Variants in NLRP1 observed in about 807,000 individuals in gnomAD.
NLRP1 encodes the protein NLR family pyrin domain containing 1.
In NLRP1, 94 loss-of-function variants were observed where a neutral mutation model predicts 136.7. The ratio of observed to expected loss-of-function variants is 0.69; its 90% CI spans 0.58 to 0.82. The LOEUF is 0.82. Among genes scored for constraint, NLRP1 ranks in the 40% least tolerant of loss-of-function variants. The pLI is 0.00. For missense variants in NLRP1, 1,575 were observed against 1,802.7 expected (o/e 0.87, Z 2.29); for synonymous variants, 690 against 725.1 (o/e 0.95, Z 0.78).
rs746664989 is a variant in NLRP1 at position 5,582,669 on chromosome 17, C to T, written c.448+1G>A. The T allele has an allele frequency of 6.2e-7, 1 of 1,613,902 alleles. No homozygotes were observed. The highest frequency in any genetic ancestry group is 8.5e-7 in the Non-Finnish European group (1 of 1,179,958). ...TGTCAGCCTGCCTCAGCAAGCCTCACCTCTCCAGCGGCGTCCAGATGTGTC... is the reference window on the plus strand; with the variant it reads ...TGTCAGCCTGCCTCAGCAAGCCTCATCTCTCCAGCGGCGTCCAGATGTGTC... On this transcript the variant is annotated splice_donor_variant, in intron 2 of 16. Coordinates refer to ENST00000572272, the MANE Select transcript of NLRP1 (RefSeq NM_033004.4). LOFTEE classifies it high-confidence loss of function.
intron 12 of NLRP1, among the ~76,000 whole-genome samples, chr17:5,526,156 T>C (rs1909525433): frequency 6.6e-6 from 1 of 152,068 alleles, no homozygotes; most frequent in South Asian, 2.1e-4. Context: ...TCAATATTTT[T>C]TTGTGGAGAT....
At chr17:5,573,178 C>T (rs1403791473) in intron 3 of NLRP1, among the ~76,000 whole-genome samples, 1 of 152,204 alleles carries the variant, frequency 6.6e-6, no homozygotes, top group Non-Finnish European at 1.5e-5. Context: ...ATATCCCGTG[C>T]CTGGCTCAGA....
intron 3 of NLRP1, among the ~76,000 whole-genome samples, chr17:5,572,180 T>C (rs1471920622): frequency 6.6e-6 from 1 of 152,202 alleles, no homozygotes; most frequent in Non-Finnish European, 1.5e-5. Flanking sequence ...ATTCTGAACA[T>C]AGGTCCTGGC....
chr17:5,521,452 G>C, intron 13 of NLRP1, 72 bp downstream of exon 13: 1 of 1,520,028 alleles, frequency 6.6e-7, no homozygotes, highest in Non-Finnish European at 9.0e-7. Flanking sequence ...GACCCTCTAG[G>C]GGGCTCTCTG....
intron 15 of NLRP1, chr17:5,503,829 T>C (rs1907207007): frequency 1.4e-5 from 2 of 138,066 alleles, no homozygotes; most frequent in South Asian, 4.4e-4. Context: ...GGAGCCAGAA[T>C]CCACCAAAAA....
Position 5,584,116 on chromosome 17 carries a change from G to T in NLRP1, c.-159C>A. On this transcript the variant is annotated 5_prime_UTR_variant, in exon 1 of 17. Transcript: ENST00000572272. ...AATCCCAGGGCACCTACAGATAGAC[G>T]CCGATAGAGGGGGAGTGGTAGGAAA... 1 of 689,196 alleles carries T rather than the reference G, an allele frequency of 1.5e-6. No individual in the cohort carries two copies. The highest frequency in any genetic ancestry group is 2.4e-6 in the Non-Finnish European group (1 of 418,560). 42.7% of individuals were successfully genotyped at this position (689,196 alleles called of 1,614,324 possible).
At chr17:5,531,168 T>TATCTA (rs757071445) in intron 11 of NLRP1, among the ~76,000 whole-genome samples, 2 of 142,214 alleles carry the variant, frequency 1.4e-5, no homozygotes, top group Non-Finnish European at 3.0e-5. Context: ...CTATCTAATC[T>TATCTA]ATCTAATCTA....
rs1182881508 is a variant in NLRP1, at chr17:5,530,629, G to A, written c.3372C>T (p.Thr1124=). 5 of 1,614,186 alleles carry A rather than the reference G, an allele frequency of 3.1e-6. No individual in the cohort carries two copies. In the Middle Eastern group the frequency reaches 4.9e-4, roughly 160 times the overall value. ...CCCACACACAGAATTCAATCTCAAC[G>A]GTCACCGCTTCTCTCATCACAAAGC... is the stretch of plus-strand genomic sequence containing the variant. ...GLCFVMREAV[T]VEIEFCVWDQ... is the part of the protein sequence containing the mutation. The change falls in exon 12 of 17, where the codon ACC becomes ACT. Residue 1124 remains threonine (T), a synonymous_variant. Coordinates refer to ENST00000572272, the MANE Select transcript of NLRP1 (RefSeq NM_033004.4).
intron 3 of NLRP1, among the ~76,000 whole-genome samples, chr17:5,567,884 A>T (rs2151814232): frequency 1.3e-5 from 2 of 152,106 alleles, no homozygotes; most frequent in Admixed American, 1.3e-4. Context: ...ATGTCATGCC[A>T]CTCTCTCCTG....
At position 5,545,477 on chromosome 17, in the gene NLRP1, GAC is replaced by G. The variant is rs147231814; in HGVS notation, c.2529-3452_2529-3451del. On this transcript the variant is annotated intron_variant, in intron 5 of 16. Transcript: ENST00000572272. The stretch of plus-strand genomic sequence containing the variant: ...AGACACACATACAGACACACACACA[GAC>G]ACACACACACAGACACACAGACACA... Among the ~76,000 whole-genome samples the G allele has an allele frequency of 1.5e-3, 172 of 115,372 alleles. 1 individual carries two copies. The East Asian group carries it at 0.032, about 21-fold the overall frequency. The allele number at this position is 115,372 out of a possible 152,430, so 75.7% of individuals were successfully genotyped here.
At chr17:5,556,127 C>CAT (rs1914039655) in intron 4 of NLRP1, among the ~76,000 whole-genome samples, 1 of 138,952 alleles carries the variant, frequency 7.2e-6, no homozygotes, top group Non-Finnish European at 1.5e-5. Flanking sequence ...CACACACACA[C>CAT]ACACACACAC....
chr17:5,514,311 G>T lies in NLRP1; in HGVS notation c.*443C>A. On this transcript the variant is annotated 3_prime_UTR_variant, in exon 17 of 17. Transcript: ENST00000572272. ...AAACTTCCTTCCACTTTACTCTGTTGGCTTGCTCTTGTAGATCTTCCTGTA... is the reference window on the plus strand; with the variant it reads ...AAACTTCCTTCCACTTTACTCTGTTTGCTTGCTCTTGTAGATCTTCCTGTA... The T allele has an allele frequency of 3.1e-6, 2 of 643,592 alleles. No homozygotes were observed. The highest frequency in any genetic ancestry group is 3.9e-6 in the Non-Finnish European group (2 of 509,198). The allele number at this position is 643,592 out of a possible 1,614,324, so 39.9% of individuals were successfully genotyped here. A position where few individuals can be genotyped will look rare whatever the true frequency, so the allele number is the denominator to read the frequency against.
At position 5,514,686 on chromosome 17, in the gene NLRP1, A is replaced by G; in HGVS notation, c.*68T>C. The G allele has an allele frequency of 6.3e-7, 1 of 1,582,258 alleles. No individual in the cohort carries two copies. The highest frequency in any genetic ancestry group is 8.6e-7 in the Non-Finnish European group (1 of 1,162,570). ...CAGATGGCAACTTGTTTGCAGAGAA[A>G]GAAACTGAGACCCAAAGAAGGGTCA... On this transcript the variant is annotated 3_prime_UTR_variant, in exon 17 of 17. Coordinates refer to ENST00000572272, the MANE Select transcript of NLRP1 (RefSeq NM_033004.4).
chr17:5,573,854 G>A lies in NLRP1; in HGVS notation c.652+8005C>T, dbSNP rs147574099. Among the ~76,000 whole-genome samples the A allele has an allele frequency of 4.4e-3, 670 of 152,202 alleles. 3 individuals are homozygous for A. Among genetic ancestry groups the A allele is most frequent in the African/African-American group, 0.014 (600 of 41,520 alleles). On this transcript the variant is annotated intron_variant, in intron 3 of 16. Transcript: ENST00000572272. ...AAGGTAGATAAAACCACAAAGATGGGGAAAAAACTGACCAGAAAAGCTGAA... is the reference window on the plus strand; with the variant it reads ...AAGGTAGATAAAACCACAAAGATGGAGAAAAAACTGACCAGAAAAGCTGAA...
chr17:5,525,304 C>T lies in NLRP1; in HGVS notation c.3521-3518G>A, dbSNP rs117336483. 6.5e-3 allele frequency among the ~76,000 whole-genome samples: 985 copies of T among 152,302 alleles called. 16 individuals carry two copies. The highest frequency in any genetic ancestry group is 0.047 in the East Asian group (244 of 5,190). ...CACTGCAATTCCAGAGCTTGTGGCCCAATGGGGAATACAGACAGCAAATAG... is the reference window on the plus strand; with the variant it reads ...CACTGCAATTCCAGAGCTTGTGGCCTAATGGGGAATACAGACAGCAAATAG... On this transcript the variant is annotated intron_variant, in intron 12 of 16. Transcript: ENST00000572272.
In NLRP1 at chr17:5,539,473, C is replaced by A; in HGVS notation, c.2812G>T (p.Gly938Cys). The A allele has an allele frequency of 6.2e-7, 1 of 1,614,180 alleles. No individual in the cohort carries two copies. The highest frequency in any genetic ancestry group is 8.5e-7 in the Non-Finnish European group (1 of 1,180,030). Reference sequence around the variant, plus strand: ...AGCCCCTCACAGAGCAGTCGCACGCCAACGTCATCCAGGTTGTTCTGCTGC... The same window carrying A: ...AGCCCCTCACAGAGCAGTCGCACGCAAACGTCATCCAGGTTGTTCTGCTGC... ...DLQQNNLDDV[G>C]VRLLCEGLRH... Residue 938 changes from glycine (G) to cysteine (C), a missense_variant, in exon 7 of 17, where the codon GGC (glycine) becomes TGC (cysteine). Gly to Cys is a radical substitution (Grantham distance 159, BLOSUM62 -3). Coordinates refer to ENST00000572272, the MANE Select transcript of NLRP1 (RefSeq NM_033004.4).
At chr17:5,517,454 C>T (rs1403934773) in intron 15 of NLRP1, among the ~76,000 whole-genome samples, 3 of 149,526 alleles carry the variant, frequency 2.0e-5, no homozygotes, top group African/African-American at 7.4e-5. Context: ...GTGGTGCGAT[C>T]TCAGCTCACT....
intron 3 of NLRP1, among the ~76,000 whole-genome samples, chr17:5,578,445 G>A (rs990899518): frequency 6.6e-6 from 1 of 152,180 alleles, no homozygotes; most frequent in African/African-American, 2.4e-5. Flanking sequence ...CAAAAAGTGG[G>A]TGAAGGATAT....
At chr17:5,521,074 A>C in intron 13 of NLRP1, 62 bp from the exon 14 acceptor site, 1 of 1,492,166 alleles carries the variant, frequency 6.7e-7, no homozygotes, top group Non-Finnish European at 9.1e-7. Context: ...TGGTTTGAAT[A>C]GGGGGGATGG....
Sources: gnomAD v4.1 joint callset for allele counts (sites outside exome capture counted in the v4.1 genomes callset) on GRCh38, gnomAD v4.1.1 for gene constraint, MANE v1.5 for transcripts, NCBI Gene and HGNC (gene_info 2026-07-23, HGNC 2026-07-21) for gene names.